Variants in ZFHX3 observed in about 807,000 individuals in gnomAD.
The protein encoded by ZFHX3 is zinc finger homeobox protein 3.
Under a neutral mutation model 279.1 loss-of-function variants are expected in ZFHX3, and 42 were observed. The ratio of observed to expected loss-of-function variants is 0.15; its 90% CI spans 0.12 to 0.19. The LOEUF (loss-of-function observed/expected upper bound fraction) is 0.19. ZFHX3 is among the 10% of genes least tolerant of loss of function. The pLI, the probability that ZFHX3 is intolerant of heterozygous loss-of-function variation, is 1.00. For synonymous variants in ZFHX3, 2,293 were observed against 1,957.8 expected, an observed-to-expected ratio of 1.17 and a Z score of -4.52; for missense variants, 4,981 against 4,754.0, an observed-to-expected ratio of 1.05 and a Z score of -1.40.
At chr16:73,147,690 T>A (rs1597183057) in intron 5 of ZFHX3, among the ~76,000 whole-genome samples, 1 of 21,988 alleles carries the variant, frequency 4.5e-5, no homozygotes, top group East Asian at 7.5e-4. Flanking sequence ...AGACTCCGTC[T>A]CAAAAAAAAA....
At chr16:73,343,677 C>A (rs982863009) in intron 3 of ZFHX3, among the ~76,000 whole-genome samples, 9 of 152,124 alleles carry the variant, frequency 5.9e-5, no homozygotes, top group Non-Finnish European at 1.5e-5. Context: ...CATGATAATG[C>A]CACTGCACTC....
intron 3 of ZFHX3, among the ~76,000 whole-genome samples, chr16:73,361,025 G>A (rs1434063140): frequency 6.6e-6 from 1 of 152,182 alleles, no homozygotes; most frequent in Non-Finnish European, 1.5e-5. Flanking sequence ...AAGGAAATGG[G>A]GGCACTTTTG....
chr16:73,416,478 T>G (rs1024628433), intron 3 of ZFHX3, among the ~76,000 whole-genome samples: 1 of 152,152 alleles, frequency 6.6e-6, no homozygotes, highest in Non-Finnish European at 1.5e-5. Flanking sequence ...AATTAATTTC[T>G]AACTTTAGGG....
chr16:72,926,019 T>G (rs900525361), intron 3 of ZFHX3, among the ~76,000 whole-genome samples: 2 of 152,200 alleles, frequency 1.3e-5, no homozygotes, highest in Non-Finnish European at 2.9e-5. Context: ...GAGACCTATT[T>G]TCACGTTACA....
chr16:73,498,895 G>A (rs1412621308), intron 2 of ZFHX3, among the ~76,000 whole-genome samples: 2 of 152,128 alleles, frequency 1.3e-5, no homozygotes, highest in Admixed American at 1.3e-4. Context: ...GAGTGCTTCG[G>A]TTCTGATGTG....
At chr16:72,813,873 C>T (rs1010296172) in intron 5 of ZFHX3, among the ~76,000 whole-genome samples, 2 of 152,162 alleles carry the variant, frequency 1.3e-5, no homozygotes, top group African/African-American at 4.8e-5. Flanking sequence ...TATGGAACGT[C>T]GCGTTGCAGG....
At chr16:73,330,011 G>A (rs1035963312) in intron 3 of ZFHX3, among the ~76,000 whole-genome samples, 2 of 152,170 alleles carry the variant, frequency 1.3e-5, no homozygotes, top group African/African-American at 4.8e-5. Flanking sequence ...GATTAGGGCT[G>A]GGCTGGGCTC....
At chr16:73,654,690 T>C (rs932700698) in intron 2 of ZFHX3, among the ~76,000 whole-genome samples, 2 of 151,966 alleles carry the variant, frequency 1.3e-5, no homozygotes, top group African/African-American at 2.4e-5. Context: ...GTATTTTACA[T>C]TGATAGATTA....
intron 2 of ZFHX3, among the ~76,000 whole-genome samples, chr16:73,537,908 T>C (rs1166041962): frequency 1.3e-5 from 2 of 152,234 alleles, no homozygotes; most frequent in Non-Finnish European, 2.9e-5. Flanking sequence ...ATTCGACTTA[T>C]CGATACAATC....
At chr16:73,845,097 T>G (rs922791246) in intron 1 of ZFHX3, among the ~76,000 whole-genome samples, 15 of 152,108 alleles carry the variant, frequency 9.9e-5, no homozygotes, top group African/African-American at 3.1e-4. Flanking sequence ...GAGGTTAGTT[T>G]GAATGGAGAT....
chr16:73,586,537 T>C (rs554345915), intron 2 of ZFHX3, among the ~76,000 whole-genome samples: 13 of 151,684 alleles, frequency 8.6e-5, no homozygotes, highest in African/African-American at 2.9e-4. Flanking sequence ...TAAAATAGAC[T>C]TTAATTTAAA....
At chr16:73,603,962 A>T (rs988568278) in intron 2 of ZFHX3, among the ~76,000 whole-genome samples, 2 of 151,838 alleles carry the variant, frequency 1.3e-5, no homozygotes, top group African/African-American at 4.8e-5. Flanking sequence ...TATTTCCAGT[A>T]GAGATAGTGT....
intron 4 of ZFHX3, among the ~76,000 whole-genome samples, chr16:72,863,537 CAG>C (rs374148445): frequency 3.4e-4 from 51 of 147,858 alleles, no homozygotes; most frequent in Non-Finnish European, 3.1e-4. Context: ...CAGAGACAGA[CAG>C]AGAGAGAGAG....
chr16:73,375,790 C>T (rs367954438), intron 3 of ZFHX3, among the ~76,000 whole-genome samples: 8 of 152,116 alleles, frequency 5.3e-5, no homozygotes, highest in East Asian at 3.8e-4. Context: ...CAACCATCAG[C>T]GATATCATTA....
chr16:72,960,581 C>T (rs965900153), intron 1 of ZFHX3, among the ~76,000 whole-genome samples: 44 of 152,312 alleles, frequency 2.9e-4, no homozygotes, highest in African/African-American at 1.0e-3. Flanking sequence ...ACAGCCACAG[C>T]CCTACCACTT....
chr16:73,076,415 A>G (rs1025672763), intron 8 of ZFHX3, among the ~76,000 whole-genome samples: 1 of 152,134 alleles, frequency 6.6e-6, no homozygotes, highest in African/African-American at 2.4e-5. Context: ...TACCTGATAT[A>G]CCTCGTTCCA....
chr16:73,195,607 C>T (rs1367967691), intron 5 of ZFHX3, among the ~76,000 whole-genome samples: 2 of 151,770 alleles, frequency 1.3e-5, no homozygotes, highest in Admixed American at 6.6e-5. Flanking sequence ...TTAGTAGAGA[C>T]GGGGTTTCAC....
chr16:73,880,572 T>A (rs865846950), intron 1 of ZFHX3, among the ~76,000 whole-genome samples: 1 of 152,174 alleles, frequency 6.6e-6, no homozygotes, highest in African/African-American at 2.4e-5. Context: ...AGAGGGCTAG[T>A]GAAGTTAAAA....
intron 1 of ZFHX3, among the ~76,000 whole-genome samples, chr16:73,831,339 T>C (rs976394116): frequency 2.0e-5 from 3 of 152,228 alleles, no homozygotes; most frequent in African/African-American, 4.8e-5. Context: ...TGTCACACTT[T>C]GGCAGGGAAT....
Sources: allele counts gnomAD v4.1 joint callset (sites outside exome capture counted in the v4.1 genomes callset), GRCh38; gene constraint gnomAD v4.1.1; transcripts MANE v1.5; gene names NCBI Gene and HGNC (gene_info 2026-07-23, HGNC 2026-07-21).